The following RAD51B variants were observed in gnomAD, a reference collection of about 807,000 sequenced individuals.
The protein encoded by RAD51B is RAD51 paralog B.
Under a neutral mutation model 42.2 loss-of-function variants are expected in RAD51B, and 38 were observed. The observed-to-expected ratio is 0.90, with a 90% CI of 0.70 to 1.18. The LOEUF (loss-of-function observed/expected upper bound fraction) is 1.18. Ranked by LOEUF, RAD51B falls within the 50% of genes most tolerant of loss-of-function variation. RAD51B has a pLI of 0.00. For missense variants in RAD51B, 373 were observed against 400.7 expected (o/e 0.93, Z 0.59); for synonymous variants, 154 against 145.2 (o/e 1.06, Z -0.43).
intron 8 of RAD51B, among the ~76,000 whole-genome samples, chr14:68,302,185 G>A (rs553855399): frequency 6.6e-6 from 1 of 152,256 alleles, no homozygotes; most frequent in South Asian, 2.1e-4. Flanking sequence ...CCATCTGCTA[G>A]GTCATGTGTT....
At chr14:68,552,639 T>A (rs187668323) in intron 10 of RAD51B, among the ~76,000 whole-genome samples, 252 of 152,300 alleles carry the variant, frequency 1.7e-3, no homozygotes, top group East Asian at 2.1e-3. Flanking sequence ...AGTATTTTTT[T>A]AAAAATAAAT....
chr14:68,121,881 A>G (rs937939921), intron 7 of RAD51B, among the ~76,000 whole-genome samples: 1 of 151,806 alleles, frequency 6.6e-6, no homozygotes, highest in Admixed American at 6.6e-5. Flanking sequence ...GCTGGTATAG[A>G]TAGTTAAATG....
chr14:68,481,229 G>C (rs1372049739), downstream of RAD51B, among the ~76,000 whole-genome samples: 5 of 152,070 alleles, frequency 3.3e-5, no homozygotes, highest in Non-Finnish European at 7.3e-5. Context: ...GCAAGATGCT[G>C]TCTGTTCTCT....
intron 7 of RAD51B, among the ~76,000 whole-genome samples, chr14:68,060,619 C>T (rs183357840): frequency 1.7e-4 from 26 of 152,232 alleles, no homozygotes; most frequent in Non-Finnish European, 3.5e-4. Flanking sequence ...AATTTTCGTC[C>T]AACTTTCCAA....
intron 1 of RAD51B, 73 bp from the exon 2 acceptor site, chr14:67,823,469 G>A: frequency 7.9e-7 from 1 of 1,263,406 alleles, no homozygotes; most frequent in East Asian, 2.3e-5. Flanking sequence ...GTTTTGGATA[G>A]CCTATTCACT....
intron 7 of RAD51B, among the ~76,000 whole-genome samples, chr14:68,264,302 A>G (rs1003119334): frequency 6.6e-6 from 1 of 152,234 alleles, no homozygotes; most frequent in African/African-American, 2.4e-5. Flanking sequence ...GGAATGCCTA[A>G]AAAGTTTCTA....
rs549796006 is a variant in RAD51B at position 67,880,348 on chromosome 14, C to G, written c.453-5521C>G. ...GAAAAACCATAACTTATCTATCAAT[C>G]ATTCTTTCAAGTAAAAATGGTCTCC... is the stretch of plus-strand genomic sequence containing the variant. On this transcript the variant is annotated intron_variant, in intron 5 of 10. Coordinates refer to ENST00000471583, the MANE Select transcript of RAD51B (RefSeq NM_133510.4). Among the ~76,000 whole-genome samples the G allele has an allele frequency of 2.0e-4, 31 of 152,320 alleles. No homozygotes were observed. The South Asian group carries it at 6.2e-3, about 31-fold the overall frequency.
Position 68,047,021 on chromosome 14 carries a change from C to T in RAD51B, c.756+159817C>T, listed in dbSNP as rs557847257. ...CCCACAATATTAAGAGACCATTTCACATCACAGTCTCACTGCTGGAGACTT... is the reference window on the plus strand; with the variant it reads ...CCCACAATATTAAGAGACCATTTCATATCACAGTCTCACTGCTGGAGACTT... On this transcript the variant is annotated intron_variant, in intron 7 of 10. Transcript: ENST00000471583. Among the ~76,000 whole-genome samples the T allele has an allele frequency of 4.6e-5, 7 of 151,174 alleles. No individual in the cohort carries two copies. The East Asian group carries it at 1.2e-3, about 25-fold the overall frequency.
intron 5 of RAD51B, among the ~76,000 whole-genome samples, chr14:67,884,630 C>T (rs1027855324): frequency 6.6e-6 from 1 of 152,156 alleles, no homozygotes; most frequent in Admixed American, 6.5e-5. Flanking sequence ...TCCCTTACCT[C>T]ATTTCCTTCT....
At chr14:67,891,280 A>G (rs1008828058) in intron 7 of RAD51B, among the ~76,000 whole-genome samples, 1 of 152,144 alleles carries the variant, frequency 6.6e-6, no homozygotes, top group Non-Finnish European at 1.5e-5. Flanking sequence ...CCTTATTTTC[A>G]TTGAAAGTTG....
chr14:68,200,682 G>A (rs192976062), intron 7 of RAD51B, among the ~76,000 whole-genome samples: 2 of 152,034 alleles, frequency 1.3e-5, no homozygotes, highest in Admixed American at 6.5e-5. Flanking sequence ...GAGACAGAGT[G>A]TCACTCTGTC....
At chr14:68,559,007 A>C (rs951105828) in intron 10 of RAD51B, among the ~76,000 whole-genome samples, 6 of 151,712 alleles carry the variant, frequency 4.0e-5, no homozygotes, top group African/African-American at 1.4e-4. Flanking sequence ...ATTTACATGT[A>C]TATATATATA....
chr14:68,019,235 G>A (rs1196843496), intron 7 of RAD51B, among the ~76,000 whole-genome samples: 2 of 152,202 alleles, frequency 1.3e-5, no homozygotes, highest in Admixed American at 6.5e-5. Flanking sequence ...AAATAGACGG[G>A]AACAAAACCT....
intron 4 of RAD51B, among the ~76,000 whole-genome samples, chr14:67,835,597 A>C (rs1229548596): frequency 1.3e-5 from 2 of 151,676 alleles, no homozygotes; most frequent in African/African-American, 4.8e-5. Flanking sequence ...ATATGTATGC[A>C]CATAAATAAC....
At chr14:67,956,711 A>G (rs138553576) in intron 7 of RAD51B, among the ~76,000 whole-genome samples, 107 of 152,322 alleles carry the variant, frequency 7.0e-4, no homozygotes, top group Non-Finnish European at 1.1e-3. Context: ...TTATATTCCT[A>G]TTGTAACTAA....
intron 7 of RAD51B, among the ~76,000 whole-genome samples, chr14:67,982,204 C>T (rs1048136170): frequency 6.6e-6 from 1 of 151,852 alleles, no homozygotes; most frequent in Non-Finnish European, 1.5e-5. Flanking sequence ...CAAAGTGCTG[C>T]GATTACAGGC....
intron 7 of RAD51B, among the ~76,000 whole-genome samples, chr14:68,167,202 C>T (rs1010377224): frequency 1.3e-5 from 2 of 152,210 alleles, no homozygotes; most frequent in Admixed American, 6.6e-5. Context: ...TGTTTCTAGT[C>T]TTGAATCCTC....
chr14:67,885,581 A>G (rs2043037704), intron 5 of RAD51B, among the ~76,000 whole-genome samples: 2 of 152,242 alleles, frequency 1.3e-5, no homozygotes, highest in South Asian at 4.1e-4. Context: ...AATATCACTT[A>G]CAAAAAACAT....
At chr14:68,186,907 A>G (rs2079169044) in intron 7 of RAD51B, among the ~76,000 whole-genome samples, 1 of 152,196 alleles carries the variant, frequency 6.6e-6, no homozygotes, top group Admixed American at 6.5e-5. Context: ...AAAGACACAT[A>G]CATATACTCA....
Sources: gnomAD v4.1 joint callset for allele counts (sites outside exome capture counted in the v4.1 genomes callset) on GRCh38, gnomAD v4.1.1 for gene constraint, MANE v1.5 for transcripts, NCBI Gene and HGNC (gene_info 2026-07-23, HGNC 2026-07-21) for gene names.